The following NCKAP5 variants were observed in gnomAD, a reference collection of about 807,000 sequenced individuals.
NCKAP5 encodes nck-associated protein 5.
NCKAP5 carries 92 observed loss-of-function variants against 167.0 expected under a neutral mutation model. The ratio of observed to expected loss-of-function variants is 0.55; its 90% CI spans 0.47 to 0.66. The LOEUF (loss-of-function observed/expected upper bound fraction) is 0.66. NCKAP5 is among the 30% of genes least tolerant of loss of function. NCKAP5 has a pLI of 0.00. For missense variants in NCKAP5, 2,378 were observed against 2,315.0 expected (o/e 1.03, Z -0.56); for synonymous variants, 891 against 877.4 (o/e 1.02, Z -0.27).
At chr2:133,204,367 A>G (rs2085847166) in intron 5 of NCKAP5, among the ~76,000 whole-genome samples, 1 of 152,184 alleles carries the variant, frequency 6.6e-6, no homozygotes, top group South Asian at 2.1e-4. Context: ...ACATAACTGA[A>G]GACTCCCCCC....
At position 132,784,127 on chromosome 2, in the gene NCKAP5, G is replaced by A. The variant is rs1226731934; in HGVS notation, c.2684C>T (p.Ser895Leu). The change falls in exon 14 of 20, where the codon TCA becomes TTA. Residue 895 changes from serine (S) to leucine (L), a missense_variant. Around this residue, in one of 3 missense-constraint regions of NCKAP5, gnomAD observed 1,325 missense variants for 1,274.5 expected, o/e 1.04. Transcript: ENST00000409261. Reference sequence around the variant, plus strand: ...AGACTCAATGGCAGGCCTTGACCGTGACCCTGGAGTCTGACTCTTGGGGCA... The same window carrying A: ...AGACTCAATGGCAGGCCTTGACCGTAACCCTGGAGTCTGACTCTTGGGGCA... ...VQCPKSQTPG[S>L]RSRPAIESSD... is the part of the protein sequence containing the mutation. The A allele has an allele frequency of 6.6e-7, 1 of 1,522,934 alleles. No individual in the cohort carries two copies. The highest frequency in any genetic ancestry group is 1.4e-5 in the African/African-American group (1 of 71,948). 94.3% of individuals were successfully genotyped at this position (1,522,934 alleles called of 1,614,324 possible). A position where few individuals can be genotyped will look rare whatever the true frequency, so the allele number is the denominator to read the frequency against.
rs773047060 is a variant in NCKAP5, at chr2:132,728,780, G to C, written c.5580+36C>G. On this transcript the variant is annotated intron_variant, in intron 18 of 19. Coordinates refer to ENST00000409261, the MANE Select transcript of NCKAP5 (RefSeq NM_207363.3). ...ACACTTTTTAGAATCAGGACCAACA[G>C]GTGGATTGCACCCTTCACCTCCCCC... 5.0e-6 allele frequency: 8 copies of C among 1,606,672 alleles called. No individual in the cohort carries two copies. In the African/African-American group the frequency reaches 1.1e-4, roughly 22 times the overall value.
At chr2:133,084,242 T>C (rs937512646) in intron 6 of NCKAP5, among the ~76,000 whole-genome samples, 3 of 152,078 alleles carry the variant, frequency 2.0e-5, no homozygotes, top group African/African-American at 7.2e-5. Flanking sequence ...AATGTCACAG[T>C]AAAGAAAATG....
intron 3 of NCKAP5, among the ~76,000 whole-genome samples, chr2:133,382,071 ACTC>A (rs1325648949): frequency 2.0e-5 from 3 of 151,692 alleles, no homozygotes; most frequent in African/African-American, 7.3e-5. Flanking sequence ...CAACAAACCT[ACTC>A]CTCCTCGTCT....
At chr2:133,118,781 A>T (rs1173064972) in intron 6 of NCKAP5, 1 of 152,180 alleles carries the variant, frequency 6.6e-6, no homozygotes. Context: ...TCTTAGCTAC[A>T]TTAAATGGCT....
At chr2:133,048,883 T>C (rs142705924) in intron 6 of NCKAP5, among the ~76,000 whole-genome samples, 98 of 152,304 alleles carry the variant, frequency 6.4e-4, no homozygotes, top group African/African-American at 2.2e-3. Context: ...CAGAGCAGTG[T>C]AATCATTGGA....
intron 8 of NCKAP5, among the ~76,000 whole-genome samples, chr2:132,937,874 C>T (rs781025135): frequency 3.9e-5 from 6 of 152,154 alleles, no homozygotes; most frequent in Admixed American, 1.3e-4. Flanking sequence ...GCAGGAAATG[C>T]CAGGTTTCAG....
chr2:133,449,709 T>G (rs1405943373), intron 3 of NCKAP5, among the ~76,000 whole-genome samples: 1 of 152,214 alleles, frequency 6.6e-6, no homozygotes. Flanking sequence ...GATCATAGAT[T>G]GTATCATCTT....
chr2:133,413,975 A>G (rs1409728871), intron 3 of NCKAP5, among the ~76,000 whole-genome samples: 1 of 152,218 alleles, frequency 6.6e-6, no homozygotes, highest in Non-Finnish European at 1.5e-5. Flanking sequence ...ACACTACATC[A>G]TGAATAAGAA....
intron 4 of NCKAP5, among the ~76,000 whole-genome samples, chr2:133,237,212 A>T (rs2087464059): frequency 6.6e-6 from 1 of 152,110 alleles, no homozygotes; most frequent in African/African-American, 2.4e-5. Flanking sequence ...AATTATGACA[A>T]ATTATTATAT....
At position 133,222,419 on chromosome 2, in the gene NCKAP5, T is replaced by C. The variant is rs114647290; in HGVS notation, c.144-8640A>G. 9.6e-3 allele frequency among the ~76,000 whole-genome samples: 1,456 copies of C among 152,250 alleles called. 20 individuals are homozygous for C. Among genetic ancestry groups the C allele is most frequent in the African/African-American group, 0.031 (1,295 of 41,532 alleles). Reference sequence around the variant, plus strand: ...AAAAATGACATCTGGATTATCATATTTGCTTCTATTAATACATTCAATATG... The same window carrying C: ...AAAAATGACATCTGGATTATCATATCTGCTTCTATTAATACATTCAATATG... On this transcript the variant is annotated intron_variant, in intron 4 of 19. Transcript: ENST00000409261.
At chr2:132,962,507 T>C (rs1275334432) in intron 8 of NCKAP5, among the ~76,000 whole-genome samples, 24 of 152,188 alleles carry the variant, frequency 1.6e-4, no homozygotes. Context: ...AAAATGGATA[T>C]GCTCATTATA....
chr2:133,669,415 A>G, the NCKAP5 span, among the ~76,000 whole-genome samples: 1 of 151,992 alleles, frequency 6.6e-6, no homozygotes, highest in Non-Finnish European at 1.5e-5. Flanking sequence ...TTTCCCCCCT[A>G]TCATTCTTAG....
intron 2 of NCKAP5, among the ~76,000 whole-genome samples, chr2:133,550,001 A>G (rs1687137706): frequency 6.6e-6 from 1 of 151,438 alleles, no homozygotes; most frequent in Non-Finnish European, 1.5e-5. Context: ...ATCTAGAAGA[A>G]ATGGATAAAT....
chr2:132,793,828 C>T (rs1485037547), intron 12 of NCKAP5, among the ~76,000 whole-genome samples: 1 of 152,172 alleles, frequency 6.6e-6, no homozygotes, highest in Non-Finnish European at 1.5e-5. Flanking sequence ...AATTCTCCCA[C>T]TTCCCCCACC....
At position 133,458,682 on chromosome 2, in the gene NCKAP5, C is replaced by T. The variant is rs542456899; in HGVS notation, c.69+58776G>A. 4.6e-5 allele frequency among the ~76,000 whole-genome samples: 7 copies of T among 152,066 alleles called. No individual in the cohort carries two copies. The South Asian group carries it at 1.0e-3, about 23-fold the overall frequency. On this transcript the variant is annotated intron_variant, in intron 3 of 19. Transcript: ENST00000409261. ...TTTGTTATTGTTGTTATATACACCT[C>T]CAGAAAAGTTATGGATACATTTTCC...
intron 4 of NCKAP5, among the ~76,000 whole-genome samples, chr2:133,242,918 A>G (rs2087791388): frequency 1.3e-5 from 2 of 152,176 alleles, no homozygotes; most frequent in Non-Finnish European, 1.5e-5. Context: ...TTAGATGACC[A>G]TAAAACTGGA....
At chr2:133,134,749 A>T (rs556016542) in intron 5 of NCKAP5, among the ~76,000 whole-genome samples, 1 of 152,200 alleles carries the variant, frequency 6.6e-6, no homozygotes, top group Non-Finnish European at 1.5e-5. Flanking sequence ...AATGCAGGAG[A>T]TTCCTCCATT....
chr2:132,798,688 T>TCC (rs971342251), intron 11 of NCKAP5, among the ~76,000 whole-genome samples: 8 of 152,290 alleles, frequency 5.3e-5, no homozygotes, highest in Non-Finnish European at 1.0e-4. Flanking sequence ...ATGGGTCCCT[T>TCC]CCCTTCATTG....
Sources: gnomAD v4.1 joint callset for allele counts (sites outside exome capture counted in the v4.1 genomes callset) on GRCh38, gnomAD v4.1.1 for gene constraint, gnomAD v4.1.1 regional missense constraint, MANE v1.5 for transcripts, NCBI Gene and HGNC (gene_info 2026-07-23, HGNC 2026-07-21) for gene names.